Variants in PITPNA observed in about 807,000 individuals in gnomAD.
The protein encoded by PITPNA is phosphatidylinositol transfer protein alpha, also known as phosphatidylinositol transfer protein alpha isoform.
In PITPNA, 13 loss-of-function variants were observed where a neutral mutation model predicts 50.3. The observed-to-expected ratio is 0.26, with a 90% CI of 0.17 to 0.41. PITPNA has a LOEUF of 0.41. PITPNA is among the 10% of genes least tolerant of loss of function. PITPNA has a pLI of 1.00. For missense variants in PITPNA, 207 were observed against 333.4 expected (o/e 0.62, Z 2.95); for synonymous variants, 120 against 119.6 (o/e 1.00, Z -0.02).
chr17:1,545,035 T>C (rs2075665837), intron 4 of PITPNA, among the ~76,000 whole-genome samples: 1 of 151,092 alleles, frequency 6.6e-6, no homozygotes, highest in African/African-American at 2.5e-5. Context: ...AAGCATGGCT[T>C]AGTGATACTG....
intron 5 of PITPNA, among the ~76,000 whole-genome samples, 166 bp downstream of exon 5, chr17:1,542,854 C>A (rs1391931006): frequency 6.6e-6 from 1 of 152,226 alleles, no homozygotes; most frequent in African/African-American, 2.4e-5. Flanking sequence ...AGGAGGTCAT[C>A]ATGCCAGTTA....
At chr17:1,525,198 C>G (rs1236014167) in intron 10 of PITPNA, among the ~76,000 whole-genome samples, 1 of 151,958 alleles carries the variant, frequency 6.6e-6, no homozygotes, top group African/African-American at 2.4e-5. Context: ...CCATGTTGGT[C>G]AGGCTGGTCT....
At chr17:1,530,504 T>A (rs2151004236) in intron 10 of PITPNA, among the ~76,000 whole-genome samples, 1 of 152,342 alleles carries the variant, frequency 6.6e-6, no homozygotes, top group African/African-American at 2.4e-5. Context: ...GGACAGGGAC[T>A]AGAGTTACAG....
intron 2 of PITPNA, among the ~76,000 whole-genome samples, chr17:1,556,765 G>A (rs1209063815): frequency 6.6e-6 from 1 of 152,078 alleles, no homozygotes; most frequent in African/African-American, 2.4e-5. Flanking sequence ...GGGCTTTCCT[G>A]CTTGGCCTTC....
chr17:1,553,193 C>T, intron 2 of PITPNA, 44 bp from the exon 3 acceptor site: 3 of 1,605,854 alleles, frequency 1.9e-6, no homozygotes, highest in Non-Finnish European at 2.6e-6. Flanking sequence ...GGACCCTTCT[C>T]AACGGTTACA....
chr17:1,553,264 C>G, intron 2 of PITPNA, 115 bp from the exon 3 acceptor site: 2 of 1,181,458 alleles, frequency 1.7e-6, no homozygotes, highest in Non-Finnish European at 2.4e-6. Flanking sequence ...CATGCAGGAG[C>G]TGGTTCTGGA....
chr17:1,526,356 A>C (rs776521462), intron 10 of PITPNA, among the ~76,000 whole-genome samples: 3 of 152,242 alleles, frequency 2.0e-5, no homozygotes, highest in Non-Finnish European at 2.9e-5. Flanking sequence ...GAGAGCTGTG[A>C]TGAATGGGGT....
intron 2 of PITPNA, among the ~76,000 whole-genome samples, chr17:1,556,210 C>G (rs546419813): frequency 6.6e-6 from 1 of 152,194 alleles, no homozygotes; most frequent in South Asian, 2.1e-4. Flanking sequence ...AGTTCCGCTT[C>G]GACCCTACCC....
At chr17:1,530,015 T>C (rs185647474) in intron 10 of PITPNA, among the ~76,000 whole-genome samples, 48 of 152,338 alleles carry the variant, frequency 3.2e-4, no homozygotes, top group African/African-American at 1.1e-3. Flanking sequence ...AGTTTATCTA[T>C]AAAATGAAAC....
chr17:1,535,134 A>AC (rs772929709), intron 9 of PITPNA, 48 bp downstream of exon 9: 9 of 1,164,006 alleles, frequency 7.7e-6, no homozygotes, highest in Non-Finnish European at 1.1e-5. Context: ...CCACCCCCCC[A>AC]CAACACACAC....
intron 4 of PITPNA, among the ~76,000 whole-genome samples, chr17:1,543,961 A>G (rs1272376833): frequency 6.6e-6 from 1 of 152,202 alleles, no homozygotes; most frequent in Non-Finnish European, 1.5e-5. Context: ...CGTCAGCAGA[A>G]ATTCTCCTGT....
intron 2 of PITPNA, among the ~76,000 whole-genome samples, chr17:1,556,176 G>T (rs1424238321): frequency 6.6e-6 from 1 of 152,164 alleles, no homozygotes; most frequent in African/African-American, 2.4e-5. Flanking sequence ...TCCCCTCCAA[G>T]ATTTTTCTAA....
At chr17:1,524,045 CTTTTTT>C (rs71148495) in intron 10 of PITPNA, among the ~76,000 whole-genome samples, 1 of 101,928 alleles carries the variant, frequency 9.8e-6, no homozygotes, top group Non-Finnish European at 2.0e-5. Flanking sequence ...TTTCTTTTTT[CTTTTTT>C]TTTTTTTTTT....
At chr17:1,543,242 CAG>C (rs1312507797) in intron 4 of PITPNA, among the ~76,000 whole-genome samples, 1 of 152,158 alleles carries the variant, frequency 6.6e-6, no homozygotes, top group Non-Finnish European at 1.5e-5. Flanking sequence ...AAAAACCAAA[CAG>C]GGAATTTAAT....
intron 11 of PITPNA, 128 bp downstream of exon 11, chr17:1,521,451 C>T (rs1340719700): frequency 2.6e-5 from 18 of 692,720 alleles, no homozygotes; most frequent in Non-Finnish European, 4.8e-5. Context: ...AGCTATCGAG[C>T]GTGGCAACCA....
rs369744436 is a variant in PITPNA, at chr17:1,534,241, A to G, written c.646-20T>C. On this transcript the variant is annotated intron_variant, in intron 9 of 11. Transcript: ENST00000313486. ...CTCTTGCTATAGAAAGGAGGGAACC[A>G]CGTTAGAACGCAGAAGGCAAAGGCT... 6.2e-6 allele frequency: 10 copies of G among 1,613,494 alleles called. No individual in the cohort carries two copies. Among genetic ancestry groups the G allele is most frequent in the Non-Finnish European group, 7.6e-6 (9 of 1,179,584 alleles).
At chr17:1,541,459 G>A (rs117583534) in intron 6 of PITPNA, 107 bp downstream of exon 6, 28 of 806,868 alleles carry the variant, frequency 3.5e-5, no homozygotes, top group East Asian at 7.4e-5. Context: ...CTGCCTTCCC[G>A]GCCAGGCAAA....
chr17:1,528,613 T>A (rs1383614227), intron 10 of PITPNA, among the ~76,000 whole-genome samples: 1 of 151,994 alleles, frequency 6.6e-6, no homozygotes, highest in Non-Finnish European at 1.5e-5. Flanking sequence ...TGGTGGGACC[T>A]GAAGTCCTAG....
chr17:1,555,649 C>T (rs1333246817), intron 2 of PITPNA, among the ~76,000 whole-genome samples: 1 of 152,216 alleles, frequency 6.6e-6, no homozygotes, highest in African/African-American at 2.4e-5. Context: ...AGGGGGAGCC[C>T]AGTGGGTGGG....
Sources: allele counts gnomAD v4.1 joint callset (sites outside exome capture counted in the v4.1 genomes callset), GRCh38; gene constraint gnomAD v4.1.1; transcripts MANE v1.5; gene names NCBI Gene and HGNC (gene_info 2026-07-23, HGNC 2026-07-21).